Variants in MALRD1 observed in about 807,000 individuals in gnomAD.
MALRD1 encodes MAM and LDL receptor class A domain containing 1, also known as MAM and LDL-receptor class A domain-containing protein 1.
A neutral mutation model predicts 242.1 loss-of-function variants in MALRD1; 247 were observed. The observed-to-expected ratio is 1.02, with a 90% CI of 0.92 to 1.13. The LOEUF (loss-of-function observed/expected upper bound fraction) is 1.13. Ranked by LOEUF, MALRD1 falls within the 50% of genes most tolerant of loss-of-function variation. The pLI is 0.00. For synonymous variants in MALRD1, 995 were observed against 866.6 expected (o/e 1.15, Z -2.60); for missense variants, 2,989 against 2,533.1 (o/e 1.18, Z -3.86).
chr10:19,217,868 C>T lies in MALRD1; in HGVS notation c.2991+8188C>T, dbSNP rs74118874. 9.6e-3 allele frequency among the ~76,000 whole-genome samples: 1,460 copies of T among 152,240 alleles called. 27 individuals are homozygous for T. Among genetic ancestry groups the T allele is most frequent in the African/African-American group, 0.033 (1,377 of 41,548 alleles). ...TTACTTGTTTACTTGCCTGTGAGATCACTGAATGCAGGGACTATTTCCTTG... is the reference window on the plus strand; with the variant it reads ...TTACTTGTTTACTTGCCTGTGAGATTACTGAATGCAGGGACTATTTCCTTG... On this transcript the variant is annotated intron_variant, in intron 18 of 39. Coordinates refer to ENST00000454679, the MANE Select transcript of MALRD1 (RefSeq NM_001142308.3).
intron 14 of MALRD1, among the ~76,000 whole-genome samples, chr10:19,196,293 T>C (rs998539806): frequency 3.9e-5 from 6 of 152,208 alleles, no homozygotes; most frequent in Non-Finnish European, 7.3e-5. Context: ...CTCCTTTCTT[T>C]TATATTACTC....
At chr10:19,095,956 A>T (rs1021832881) in intron 4 of MALRD1, among the ~76,000 whole-genome samples, 1 of 152,152 alleles carries the variant, frequency 6.6e-6, no homozygotes, top group Non-Finnish European at 1.5e-5. Context: ...AATAAGTGAG[A>T]TGAGAATCTT....
At chr10:19,147,177 T>G (rs1411063747) in intron 11 of MALRD1, among the ~76,000 whole-genome samples, 2 of 152,184 alleles carry the variant, frequency 1.3e-5, no homozygotes, top group African/African-American at 2.4e-5. Flanking sequence ...ATAGCACAAT[T>G]GTACTTGTAC....
At chr10:19,216,119 CTTTT>C (rs753559077) in intron 18 of MALRD1, among the ~76,000 whole-genome samples, 4 of 122,810 alleles carry the variant, frequency 3.3e-5, no homozygotes, top group African/African-American at 1.2e-4. Flanking sequence ...TTCTTTCTTT[CTTTT>C]TTTTTTTTTT....
chr10:19,215,336 A>G (rs1837259527), intron 18 of MALRD1, among the ~76,000 whole-genome samples: 1 of 152,218 alleles, frequency 6.6e-6, no homozygotes, highest in East Asian at 1.9e-4. Flanking sequence ...TGAACCAATT[A>G]AGATGTCTAT....
intron 18 of MALRD1, among the ~76,000 whole-genome samples, chr10:19,223,847 C>T (rs888711569): frequency 2.0e-5 from 3 of 152,148 alleles, no homozygotes; most frequent in Admixed American, 6.5e-5. Context: ...TGGTTTCCAG[C>T]TTCATCCATG....
intron 28 of MALRD1, among the ~76,000 whole-genome samples, chr10:19,441,806 A>C (rs1834669523): frequency 1.9e-5 from 2 of 103,344 alleles, no homozygotes; most frequent in South Asian, 6.2e-4. Context: ...GATTGTCTTG[A>C]CAATGTGGGC....
intron 12 of MALRD1, among the ~76,000 whole-genome samples, chr10:19,161,772 G>A (rs1051083717): frequency 6.6e-6 from 1 of 152,156 alleles, no homozygotes; most frequent in African/African-American, 2.4e-5. Flanking sequence ...GCTCTGGCCT[G>A]TAATCCCAGC....
chr10:19,603,158 A>G (rs955508890), intron 34 of MALRD1, among the ~76,000 whole-genome samples: 1 of 152,022 alleles, frequency 6.6e-6, no homozygotes, highest in Non-Finnish European at 1.5e-5. Flanking sequence ...GTTCACTCTG[A>G]TGGTAATTTC....
intron 12 of MALRD1, among the ~76,000 whole-genome samples, chr10:19,161,545 A>AAAG: frequency 1.6e-5 from 1 of 62,926 alleles, no homozygotes; most frequent in Non-Finnish European, 3.1e-5. Flanking sequence ...TAAAGAAAAA[A>AAAG]AAAGCAAAAA....
Position 19,121,849 on chromosome 10 carries a change from G to A in MALRD1, c.695-1643G>A, listed in dbSNP as rs2583651. ...TGAAGCAAGGTGGTGAGCTGAGAAT[G>A]ACAATAGGGAAGGAAGAGCTGGAAG... On this transcript the variant is annotated intron_variant, in intron 5 of 39. Transcript: ENST00000454679. 5.8e-3 allele frequency among the ~76,000 whole-genome samples: 880 copies of A among 152,268 alleles called. 27 individuals are homozygous for A. The highest frequency in any genetic ancestry group is 0.052 in the Admixed American group (792 of 15,284).
At chr10:19,655,990 A>C (rs963373718) in intron 36 of MALRD1, among the ~76,000 whole-genome samples, 6 of 152,178 alleles carry the variant, frequency 3.9e-5, no homozygotes, top group African/African-American at 1.4e-4. Context: ...TCTCTTCAAT[A>C]TTCTCATATA....
chr10:19,528,366 G>A lies in MALRD1; in HGVS notation c.5321-2828G>A, dbSNP rs531500585. Among the ~76,000 whole-genome samples, 282 of 152,230 alleles carry A rather than the reference G, an allele frequency of 1.9e-3. 1 individual carries two copies. The highest frequency in any genetic ancestry group is 6.5e-3 in the African/African-American group (270 of 41,518). ...TCCCAGCACTTTGGGAAGCCGAGGCGGGCGGATCACAAGGTCAGGAGATCG... is the reference window on the plus strand; with the variant it reads ...TCCCAGCACTTTGGGAAGCCGAGGCAGGCGGATCACAAGGTCAGGAGATCG... On this transcript the variant is annotated intron_variant, in intron 31 of 39. Coordinates refer to ENST00000454679, the MANE Select transcript of MALRD1 (RefSeq NM_001142308.3).
intron 5 of MALRD1, among the ~76,000 whole-genome samples, chr10:19,109,158 C>T (rs549234369): frequency 1.3e-5 from 2 of 152,252 alleles, no homozygotes; most frequent in East Asian, 1.9e-4. Flanking sequence ...CTCATTGGCT[C>T]AGGTTATAGG....
intron 38 of MALRD1, among the ~76,000 whole-genome samples, chr10:19,705,646 T>A (rs1423665001): frequency 6.6e-6 from 1 of 150,430 alleles, no homozygotes; most frequent in Non-Finnish European, 1.5e-5. Context: ...GCATGATTCC[T>A]CCTCCTCCTC....
intron 35 of MALRD1, among the ~76,000 whole-genome samples, chr10:19,614,156 G>A (rs956399957): frequency 1.3e-5 from 2 of 151,926 alleles, no homozygotes; most frequent in African/African-American, 4.8e-5. Context: ...ACAACCCTAT[G>A]AGATACTTAT....
intron 18 of MALRD1, among the ~76,000 whole-genome samples, chr10:19,241,950 G>A (rs900238386): frequency 1.3e-5 from 2 of 152,082 alleles, no homozygotes; most frequent in Admixed American, 6.6e-5. Flanking sequence ...TCTTAAGTTT[G>A]TTAAGACTTA....
intron 39 of MALRD1, among the ~76,000 whole-genome samples, chr10:19,732,763 A>AG (rs1458955816): frequency 6.6e-6 from 1 of 152,164 alleles, no homozygotes; most frequent in Non-Finnish European, 1.5e-5. Context: ...TGTTGCATTC[A>AG]GATTTGTACT....
chr10:19,562,951 G>C (rs1373731766), intron 32 of MALRD1, among the ~76,000 whole-genome samples: 2 of 152,140 alleles, frequency 1.3e-5, no homozygotes, highest in South Asian at 2.1e-4. Flanking sequence ...TTCCATGAAA[G>C]GGTCCCTGGT....
Sources: gnomAD v4.1 joint callset for allele counts (sites outside exome capture counted in the v4.1 genomes callset) on GRCh38, gnomAD v4.1.1 for gene constraint, MANE v1.5 for transcripts, NCBI Gene and HGNC (gene_info 2026-07-23, HGNC 2026-07-21) for gene names.